DOK6: variants seen among roughly 807,000 people sequenced by gnomAD.
The protein encoded by DOK6 is downstream of tyrosine kinase 6.
DOK6 carries 22 observed loss-of-function variants against 44.0 expected under a neutral mutation model. That is an observed-to-expected ratio of 0.50 (90% CI 0.36 to 0.71). The LOEUF (loss-of-function observed/expected upper bound fraction) is 0.71. DOK6 is among the 30% of genes least tolerant of loss of function. The pLI is 0.00. For synonymous variants in DOK6, 166 were observed against 145.5 expected, an observed-to-expected ratio of 1.14 and a Z score of -1.01; for missense variants, 340 against 416.4, an observed-to-expected ratio of 0.82 and a Z score of 1.60.
At chr18:69,541,684 C>A (rs889835782) in intron 1 of DOK6, among the ~76,000 whole-genome samples, 2 of 151,376 alleles carry the variant, frequency 1.3e-5, no homozygotes, top group East Asian at 3.9e-4. Context: ...TGCACTCTCA[C>A]AGGAGAAATG....
intron 1 of DOK6, among the ~76,000 whole-genome samples, chr18:69,531,745 T>C (rs899227474): frequency 3.3e-5 from 5 of 152,192 alleles, no homozygotes; most frequent in African/African-American, 1.2e-4. Context: ...CATAATATTT[T>C]CATTCCCAGT....
At chr18:69,553,818 C>T (rs1165729482) in intron 1 of DOK6, among the ~76,000 whole-genome samples, 5 of 152,154 alleles carry the variant, frequency 3.3e-5, no homozygotes, top group African/African-American at 2.4e-5. Context: ...AACTTGAGCA[C>T]CTTAGATGTC....
chr18:69,426,915 C>T (rs1360588103), intron 1 of DOK6, among the ~76,000 whole-genome samples: 2 of 151,992 alleles, frequency 1.3e-5, no homozygotes, highest in African/African-American at 2.4e-5. Context: ...GTAATGGGGG[C>T]TTGTTTTACA....
Position 69,794,711 on chromosome 18 carries a change from G to C in DOK6, c.856+36838G>C, listed in dbSNP as rs569422182. ...CACAGAGCAGGTGAGCAGCGGGCAA[G>C]CTAGTGAAGCTTCATTTGTATTTGC... On this transcript the variant is annotated intron_variant, in intron 7 of 7. Transcript: ENST00000382713. Among the ~76,000 whole-genome samples, 5 of 152,272 alleles carry C rather than the reference G, an allele frequency of 3.3e-5. No homozygotes were observed. In the East Asian group the frequency reaches 9.6e-4, roughly 29 times the overall value.
chr18:69,834,316 G>A (rs1220091063), intron 7 of DOK6, among the ~76,000 whole-genome samples: 1 of 152,178 alleles, frequency 6.6e-6, no homozygotes, highest in Non-Finnish European at 1.5e-5. Flanking sequence ...ATATGTGAGA[G>A]CTGAAAATGT....
chr18:69,481,019 T>C (rs1980402704), intron 1 of DOK6, among the ~76,000 whole-genome samples: 2 of 152,106 alleles, frequency 1.3e-5, no homozygotes. Context: ...TCCCACATTC[T>C]ATTTAAATTC....
rs1982328305 is a variant in DOK6 at position 69,845,571 on chromosome 18, T to C, written c.*4188T>C. The C allele has an allele frequency of 6.6e-6, 1 of 152,118 alleles. No individual in the cohort carries two copies. The highest frequency in any genetic ancestry group is 6.6e-5 in the Admixed American group (1 of 15,264). The allele number at this position is 152,118 out of a possible 1,614,324, so 9.4% of individuals were successfully genotyped here. On this transcript the variant is annotated 3_prime_UTR_variant, in exon 8 of 8. Transcript: ENST00000382713. ...GAAATGTATGAAGTGCAGTCTCCCA[T>C]GGAGAGAATAGAGAGGCAGGATGGC...
At chr18:69,717,210 A>T (rs1464865084) in intron 5 of DOK6, among the ~76,000 whole-genome samples, 10 of 152,328 alleles carry the variant, frequency 6.6e-5, no homozygotes. Context: ...AACCCAATGT[A>T]GATATATTTC....
In DOK6 at chr18:69,509,360, G is replaced by A. The variant is rs550084245; in HGVS notation, c.67-55127G>A. Among the ~76,000 whole-genome samples the A allele has an allele frequency of 3.3e-3, 498 of 152,216 alleles. 2 individuals carry two copies. The highest frequency in any genetic ancestry group is 0.011 in the African/African-American group (476 of 41,534). On this transcript the variant is annotated intron_variant, in intron 1 of 7. Coordinates refer to ENST00000382713, the MANE Select transcript of DOK6 (RefSeq NM_152721.6). ...TTAATTTTAAAGCCAGGATATGGCCGGGCGCGGTGGTTCACGCCTGTAATC... is the reference window on the plus strand; with the variant it reads ...TTAATTTTAAAGCCAGGATATGGCCAGGCGCGGTGGTTCACGCCTGTAATC...
At chr18:69,683,110 T>C (rs1986078713) in intron 4 of DOK6, among the ~76,000 whole-genome samples, 1 of 152,052 alleles carries the variant, frequency 6.6e-6, no homozygotes, top group Non-Finnish European at 1.5e-5. Context: ...AAAAGAGTTT[T>C]CCAGGGCAAT....
At chr18:69,839,206 G>C (rs1599354013) in intron 7 of DOK6, among the ~76,000 whole-genome samples, 1 of 136,636 alleles carries the variant, frequency 7.3e-6, no homozygotes, top group Admixed American at 7.5e-5. Flanking sequence ...CATCTCCTTA[G>C]CTCCTCTCCC....
intron 1 of DOK6, among the ~76,000 whole-genome samples, chr18:69,434,870 C>T (rs1016941617): frequency 3.7e-4 from 52 of 142,300 alleles, no homozygotes; most frequent in African/African-American, 1.3e-3. Flanking sequence ...TGCAATGAGC[C>T]GTGATCACGC....
At position 69,510,805 on chromosome 18, in the gene DOK6, A is replaced by C. The variant is rs189188525; in HGVS notation, c.67-53682A>C. Among the ~76,000 whole-genome samples, 400 of 152,260 alleles carry C rather than the reference A, an allele frequency of 2.6e-3. 1 individual carries two copies. The highest frequency in any genetic ancestry group is 8.9e-3 in the African/African-American group (372 of 41,570). On this transcript the variant is annotated intron_variant, in intron 1 of 7. Coordinates refer to ENST00000382713, the MANE Select transcript of DOK6 (RefSeq NM_152721.6). ...AGTAAAATAACTTTAGTAATTTAAA[A>C]TTTGTATTTTAGTGTACATTTATTT...
At chr18:69,631,903 T>C (rs1984699156) in intron 3 of DOK6, among the ~76,000 whole-genome samples, 1 of 152,236 alleles carries the variant, frequency 6.6e-6, no homozygotes, top group Non-Finnish European at 1.5e-5. Flanking sequence ...ATTCTTTTTA[T>C]CATAAGTCAC....
chr18:69,548,471 G>A (rs1982470701), intron 1 of DOK6, among the ~76,000 whole-genome samples: 1 of 151,612 alleles, frequency 6.6e-6, no homozygotes, highest in South Asian at 2.1e-4. Flanking sequence ...GAATTCAGCA[G>A]GCTGTGAACC....
intron 1 of DOK6, among the ~76,000 whole-genome samples, chr18:69,525,788 T>G (rs1410862012): frequency 6.6e-6 from 1 of 152,084 alleles, no homozygotes; most frequent in Non-Finnish European, 1.5e-5. Flanking sequence ...AATAAAAGTT[T>G]CTTTATGCAC....
intron 4 of DOK6, among the ~76,000 whole-genome samples, chr18:69,694,747 T>C (rs1986354467): frequency 1.3e-5 from 2 of 151,692 alleles, no homozygotes; most frequent in African/African-American, 2.4e-5. Context: ...ATTTATGTTT[T>C]AGGATATTAT....
At chr18:69,603,657 C>G (rs1274443183) in intron 3 of DOK6, among the ~76,000 whole-genome samples, 2 of 150,728 alleles carry the variant, frequency 1.3e-5, no homozygotes, top group African/African-American at 2.4e-5. Context: ...TGTAGTCCCA[C>G]ATACGTGAGA....
At chr18:69,839,143 C>T (rs9947980) in intron 7 of DOK6, among the ~76,000 whole-genome samples, 15,621 of 148,344 alleles carry the variant, frequency 0.11, 1,024 homozygotes, top group Non-Finnish European at 0.12. Flanking sequence ...CCTAGACTCC[C>T]CCTAGCTCTT....
Sources: gnomAD v4.1 joint callset for allele counts (sites outside exome capture counted in the v4.1 genomes callset) on GRCh38, gnomAD v4.1.1 for gene constraint, MANE v1.5 for transcripts, NCBI Gene and HGNC (gene_info 2026-07-23, HGNC 2026-07-21) for gene names.